The following NCAPG2 variants were observed in gnomAD, a reference collection of about 807,000 sequenced individuals.
The protein encoded by NCAPG2 is non-SMC condensin II complex subunit G2.
Under a neutral mutation model 141.1 loss-of-function variants are expected in NCAPG2, and 53 were observed. The observed-to-expected ratio is 0.38, with a 90% confidence interval of 0.30 to 0.47. The LOEUF (loss-of-function observed/expected upper bound fraction) is 0.47. Ranked by LOEUF, NCAPG2 falls within the 20% of genes least tolerant of loss-of-function variation. The pLI is 0.99. For synonymous variants in NCAPG2, 499 were observed against 490.7 expected, an observed-to-expected ratio of 1.02 and a Z score of -0.22; for missense variants, 1,087 against 1,389.0, an observed-to-expected ratio of 0.78 and a Z score of 3.46.
chr7:158,664,769 T>G lies in NCAPG2; in HGVS notation c.1480-19A>C. ...TCCAAAACTGTGCAAAAAGCACATA[T>G]GCAGAAGGAAATAATCAATTGTGCC... On this transcript the variant is annotated intron_variant, in intron 13 of 27. Transcript: ENST00000356309. 1 of 1,595,332 alleles carries G rather than the reference T, an allele frequency of 6.3e-7. No individual in the cohort carries two copies. Among genetic ancestry groups the G allele is most frequent in the Non-Finnish European group, 8.6e-7 (1 of 1,164,480 alleles).
intron 6 of NCAPG2, among the ~76,000 whole-genome samples, chr7:158,689,413 G>T (rs758288183): frequency 2.0e-5 from 3 of 152,114 alleles, no homozygotes; most frequent in African/African-American, 7.2e-5. Context: ...CAGGCCAGAA[G>T]CCTCTCTGGA....
At chr7:158,689,739 GACAGGAACCATGTGAAC>G (rs1835005575) in intron 6 of NCAPG2, 63 bp downstream of exon 6, 2 of 1,323,020 alleles carry the variant, frequency 1.5e-6, no homozygotes, top group Non-Finnish European at 2.0e-6. Flanking sequence ...GCATGGTGCA[GACAGGAACCATGTGAAC>G]ACAGGAGAAA....
At chr7:158,653,737 T>C (rs1256165608) in intron 22 of NCAPG2, among the ~76,000 whole-genome samples, 1 of 152,240 alleles carries the variant, frequency 6.6e-6, no homozygotes, top group Non-Finnish European at 1.5e-5. Flanking sequence ...CTAAATGTTA[T>C]CATTTTCAAT....
intron 12 of NCAPG2, among the ~76,000 whole-genome samples, chr7:158,673,617 T>C (rs565155027): frequency 1.3e-5 from 2 of 152,292 alleles, no homozygotes; most frequent in East Asian, 3.9e-4. Flanking sequence ...CTGCATGCTG[T>C]GGATAGTCTG....
chr7:158,655,550 C>G (rs887131381), intron 19 of NCAPG2, 95 bp from the exon 20 acceptor site: 27 of 1,104,702 alleles, frequency 2.4e-5, no homozygotes, highest in Non-Finnish European at 3.1e-5. Context: ...GATCCTCAGG[C>G]GAGCTGAAAA....
intron 4 of NCAPG2, among the ~76,000 whole-genome samples, chr7:158,691,854 T>G (rs1835135549): frequency 1.3e-5 from 2 of 152,234 alleles, no homozygotes; most frequent in African/African-American, 4.8e-5. Flanking sequence ...AAGTTGACAC[T>G]ATCTAGCAAT....
chr7:158,637,623 C>G (rs1213025848), intron 27 of NCAPG2, among the ~76,000 whole-genome samples: 1 of 3,722 alleles, frequency 2.7e-4, no homozygotes, highest in Non-Finnish European at 5.6e-4. Flanking sequence ...CACATCCCCC[C>G]GGCCCACCAC....
At chr7:158,693,862 A>G (rs566305399) in intron 2 of NCAPG2, among the ~76,000 whole-genome samples, 15 of 152,108 alleles carry the variant, frequency 9.9e-5, no homozygotes, top group Non-Finnish European at 2.1e-4. Context: ...CCTCAACACC[A>G]CCTTCTACTC....
intron 24 of NCAPG2, among the ~76,000 whole-genome samples, chr7:158,647,960 T>A (rs531513362): frequency 1.3e-5 from 2 of 152,298 alleles, no homozygotes; most frequent in South Asian, 4.1e-4. Flanking sequence ...GTTGGGATTA[T>A]GGTGTGAGCT....
At chr7:158,680,184 CAGATTT>C (rs1834360043) in intron 10 of NCAPG2, 99 bp from the exon 11 acceptor site, 1 of 1,307,166 alleles carries the variant, frequency 7.7e-7, no homozygotes, top group South Asian at 1.4e-5. Flanking sequence ...TATCTTGATA[CAGATTT>C]ATTTTCAAAT....
chr7:158,667,108 G>A (rs1833024010), intron 13 of NCAPG2: 1 of 980,562 alleles, frequency 1.0e-6, no homozygotes, highest in South Asian at 4.7e-5. Context: ...ACTTTCAAGG[G>A]AAATTAGCTT....
Position 158,661,967 on chromosome 7 carries a change from G to A in NCAPG2, c.1989+227C>T, listed in dbSNP as rs112881125. ...GAAGAATCATGTGCTTACCCAAGAC[G>A]TTTCTCTGGGTGCTGAGGATATGGA... On this transcript the variant is annotated intron_variant, in intron 16 of 27. Transcript: ENST00000356309. Among the ~76,000 whole-genome samples the A allele has an allele frequency of 8.2e-3, 1,245 of 152,284 alleles. 16 individuals are homozygous for A. Among genetic ancestry groups the A allele is most frequent in the African/African-American group, 0.028 (1,172 of 41,540 alleles).
chr7:158,682,004 T>C (rs993195481), intron 9 of NCAPG2, among the ~76,000 whole-genome samples: 2 of 152,188 alleles, frequency 1.3e-5, no homozygotes, highest in Admixed American at 6.5e-5. Flanking sequence ...GTGTTATAAG[T>C]TGTGACAAAA....
intron 27 of NCAPG2, among the ~76,000 whole-genome samples, chr7:158,634,014 G>A (rs887419789): frequency 6.6e-6 from 1 of 152,080 alleles, no homozygotes; most frequent in Non-Finnish European, 1.5e-5. Context: ...CTCCCAAAGT[G>A]ATGGAATTAC....
At chr7:158,652,629 T>A (rs1265268392) in intron 22 of NCAPG2, 149 bp from the exon 23 acceptor site, 24 of 662,746 alleles carry the variant, frequency 3.6e-5, no homozygotes, top group Non-Finnish European at 5.7e-5. Context: ...AAAAGCCAGG[T>A]TGATCAGGTT....
intron 3 of NCAPG2, 90 bp downstream of exon 3, chr7:158,693,219 C>T (rs1835237468): frequency 1.5e-6 from 2 of 1,366,314 alleles, no homozygotes; most frequent in African/African-American, 1.5e-5. Flanking sequence ...CAAAATCTGT[C>T]TTAATGTAAA....
At chr7:158,677,495 T>C (rs1179431140) in intron 11 of NCAPG2, among the ~76,000 whole-genome samples, 5 of 32,598 alleles carry the variant, frequency 1.5e-4, no homozygotes, top group Admixed American at 3.1e-4. Context: ...AAAAAGCAAA[T>C]AGGAAGAAAA....
chr7:158,639,177 G>A lies in NCAPG2; in HGVS notation c.3380+5112C>T, dbSNP rs183994451. On this transcript the variant is annotated intron_variant, in intron 27 of 27. Transcript: ENST00000356309. ...GGCTGGAATGCAGTGACGTGATCTC[G>A]GCTCACTGCAGCATCAACCTCCTGG... 1.7e-3 allele frequency among the ~76,000 whole-genome samples: 255 copies of A among 151,970 alleles called. 1 individual carries two copies. The highest frequency in any genetic ancestry group is 5.9e-3 in the African/African-American group (243 of 41,440).
At chr7:158,638,820 G>A (rs1409116995) in intron 27 of NCAPG2, among the ~76,000 whole-genome samples, 2 of 152,154 alleles carry the variant, frequency 1.3e-5, no homozygotes, top group East Asian at 3.8e-4. Context: ...GAACTGATCA[G>A]GTGGCACTCC....
Sources: allele counts gnomAD v4.1 joint callset (sites outside exome capture counted in the v4.1 genomes callset), GRCh38; gene constraint gnomAD v4.1.1; transcripts MANE v1.5; gene names NCBI Gene and HGNC (gene_info 2026-07-23, HGNC 2026-07-21).